The following FHL2 variants were observed in gnomAD, a reference collection of about 807,000 sequenced individuals.
The protein encoded by FHL2 is four and a half LIM domains 2.
In FHL2, 20 loss-of-function variants were observed where a neutral mutation model predicts 32.7. The observed-to-expected ratio is 0.61, with a 90% confidence interval of 0.43 to 0.89. The LOEUF is 0.89. Among genes scored for constraint, FHL2 ranks in the 40% least tolerant of loss-of-function variants. The probability of loss-of-function intolerance (pLI) is 0.00; values close to 1 mark genes in which losing one functional copy is unlikely to be tolerated. For missense variants in FHL2, 311 were observed against 358.6 expected, an observed-to-expected ratio of 0.87 and a Z score of 1.07; for synonymous variants, 123 against 128.1, an observed-to-expected ratio of 0.96 and a Z score of 0.27.
intron 3 of FHL2, among the ~76,000 whole-genome samples, chr2:105,379,744 C>T (rs1681742187): frequency 6.6e-6 from 1 of 152,220 alleles, no homozygotes; most frequent in Non-Finnish European, 1.5e-5. Context: ...TTTGACCATA[C>T]TCTGTCCCTG....
chr2:105,388,273 T>A (rs6745960), intron 2 of FHL2, among the ~76,000 whole-genome samples: 63,945 of 151,784 alleles, frequency 0.42, 14,616 homozygotes, highest in African/African-American at 0.6. Context: ...AAGTTTAAAA[T>A]AAGGGGTCTC....
intron 1 of FHL2, among the ~76,000 whole-genome samples, chr2:105,413,177 C>T (rs1003925470): frequency 6.6e-6 from 1 of 152,158 alleles, no homozygotes; most frequent in Non-Finnish European, 1.5e-5. Flanking sequence ...GACCCATCTT[C>T]ATAGCGTCTC....
chr2:105,397,324 A>C (rs1334029006), intron 1 of FHL2, among the ~76,000 whole-genome samples: 1 of 152,126 alleles, frequency 6.6e-6, no homozygotes, highest in East Asian at 1.9e-4. Flanking sequence ...TTACCTGTAA[A>C]AATGAGGCTA....
At chr2:105,434,058 T>G (rs958923726) in intron 1 of FHL2, among the ~76,000 whole-genome samples, 12 of 152,180 alleles carry the variant, frequency 7.9e-5, no homozygotes, top group African/African-American at 2.7e-4. Context: ...CCTTCTCACC[T>G]GTAATGTTCT....
intron 1 of FHL2, among the ~76,000 whole-genome samples, chr2:105,397,441 G>A (rs1236556205): frequency 2.0e-5 from 3 of 152,142 alleles, no homozygotes; most frequent in Admixed American, 2.0e-4. Flanking sequence ...GACACTACGA[G>A]ATTAAGTGAC....
At chr2:105,366,142 G>A (rs868283492) in intron 5 of FHL2, among the ~76,000 whole-genome samples, 6 of 152,116 alleles carry the variant, frequency 3.9e-5, no homozygotes, top group Non-Finnish European at 5.9e-5. Context: ...CCCAAGAGGC[G>A]GAGGTTGCAG....
intron 1 of FHL2, among the ~76,000 whole-genome samples, chr2:105,435,727 C>T (rs1411055665): frequency 6.6e-6 from 1 of 152,164 alleles, no homozygotes; most frequent in Non-Finnish European, 1.5e-5. Flanking sequence ...GAGGCTGAGG[C>T]AGAAGAATCA....
intron 3 of FHL2, chr2:105,378,284 T>G: frequency 2.3e-6 from 1 of 436,724 alleles, no homozygotes; most frequent in East Asian, 7.0e-5. Flanking sequence ...AATGTGGATA[T>G]TATCCACATG....
chr2:105,429,466 A>G (rs1469218779), intron 1 of FHL2, among the ~76,000 whole-genome samples: 1 of 152,194 alleles, frequency 6.6e-6, no homozygotes, highest in African/African-American at 2.4e-5. Flanking sequence ...CCAGGGTGAA[A>G]GAGAAATGTG....
At chr2:105,435,376 A>C (rs186750629) in intron 1 of FHL2, among the ~76,000 whole-genome samples, 32 of 152,318 alleles carry the variant, frequency 2.1e-4, no homozygotes, top group African/African-American at 7.2e-4. Context: ...TAGAACATTC[A>C]AATCATGTCA....
chr2:105,425,489 C>T (rs544376116), intron 1 of FHL2, among the ~76,000 whole-genome samples: 33 of 151,930 alleles, frequency 2.2e-4, no homozygotes, highest in Non-Finnish European at 3.8e-4. Flanking sequence ...AGGGTCTGTG[C>T]TGAGGTGGAT....
chr2:105,392,666 A>C (rs928722468), intron 2 of FHL2, among the ~76,000 whole-genome samples: 4 of 152,224 alleles, frequency 2.6e-5, no homozygotes, highest in South Asian at 4.1e-4. Context: ...GAGTGGGGAA[A>C]GTATCAAAGC....
chr2:105,431,693 G>A (rs1408637843), intron 1 of FHL2, among the ~76,000 whole-genome samples: 1 of 152,208 alleles, frequency 6.6e-6, no homozygotes, highest in Non-Finnish European at 1.5e-5. Flanking sequence ...GAAGCCATTG[G>A]AACGTTTGGG....
chr2:105,367,599 G>A lies in FHL2; in HGVS notation c.472C>T (p.His158Tyr). 6.2e-7 allele frequency: 1 copy of A among 1,614,146 alleles called. No individual in the cohort carries two copies. Among genetic ancestry groups the A allele is most frequent in the African/African-American group, 1.3e-5 (1 of 75,050 alleles). ...NFCVPCYEKQ[H>Y]AMQCVQCKKP... ...TTGCACTGAACGCACTGCATGGCAT[G>A]TTGTTTCTCATAGCAGGGCACACAG... The change falls in exon 5 of 7, where the codon CAT becomes TAT. Residue 158 changes from histidine to tyrosine, a missense_variant. His to Tyr is a moderately conservative substitution (Grantham distance 83). Transcript: ENST00000530340.
chr2:105,402,108 CG>C (rs1558721169), upstream of FHL2, among the ~76,000 whole-genome samples: 2 of 143,932 alleles, frequency 1.4e-5, no homozygotes, highest in African/African-American at 5.2e-5. Context: ...TATATATACA[CG>C]TATATATACA....
upstream of FHL2, among the ~76,000 whole-genome samples, chr2:105,402,563 T>C (rs1474145088): frequency 6.6e-6 from 1 of 152,154 alleles, no homozygotes; most frequent in East Asian, 1.9e-4. Context: ...AAATATATTT[T>C]AAAAATAAAA....
At chr2:105,423,433 C>A (rs1684165371) in intron 1 of FHL2, among the ~76,000 whole-genome samples, 2 of 152,190 alleles carry the variant, frequency 1.3e-5, no homozygotes. Flanking sequence ...AAACTTCTGA[C>A]AATATCAGGG....
At chr2:105,387,454 C>A (rs547883231) in intron 2 of FHL2, among the ~76,000 whole-genome samples, 2 of 152,118 alleles carry the variant, frequency 1.3e-5, no homozygotes, top group Admixed American at 1.3e-4. Flanking sequence ...TTGCTCCCTG[C>A]GGGTAAGATC....
chr2:105,437,449 C>G (rs551584419), intron 1 of FHL2, among the ~76,000 whole-genome samples: 3 of 151,942 alleles, frequency 2.0e-5, no homozygotes, highest in Non-Finnish European at 4.4e-5. Flanking sequence ...ATTTTGAAAG[C>G]CTAGCAATAA....
Sources: gnomAD v4.1 joint callset for allele counts (sites outside exome capture counted in the v4.1 genomes callset) on GRCh38, gnomAD v4.1.1 for gene constraint, MANE v1.5 for transcripts, NCBI Gene and HGNC (gene_info 2026-07-23, HGNC 2026-07-21) for gene names.